ESPL1: variants seen among roughly 807,000 people sequenced by gnomAD.
ESPL1 encodes the protein extra spindle pole bodies like 1, separase, also known as separin.
In ESPL1, 50 loss-of-function variants were observed where a neutral mutation model predicts 217.2. The ratio of observed to expected loss-of-function variants is 0.23; its 90% confidence interval spans 0.18 to 0.29. ESPL1 has a LOEUF of 0.29. Ranked by LOEUF, ESPL1 falls within the 10% of genes least tolerant of loss-of-function variation. ESPL1 has a pLI of 1.00. For synonymous variants in ESPL1, 994 were observed against 1,081.3 expected, an observed-to-expected ratio of 0.92 and a Z score of 1.58; for missense variants, 1,834 against 2,603.0, an observed-to-expected ratio of 0.70 and a Z score of 6.43.
At chr12:53,283,096 C>T (rs1283577995) in intron 14 of ESPL1, 33 bp from the exon 15 acceptor site, 3 of 1,613,522 alleles carry the variant, frequency 1.9e-6, no homozygotes, top group South Asian at 2.2e-5. Context: ...GTTCTGGCTG[C>T]ATCTTCTCCC....
Position 53,293,528 on chromosome 12 carries a change from A to G in ESPL1, c.*54A>G. ...AAGCCTCATAACTGTTCTACCTCCA[A>G]GGTTAGATTTAATCCTTAGGATAAC... is the stretch of plus-strand genomic sequence containing the variant. On this transcript the variant is annotated 3_prime_UTR_variant, in exon 31 of 31. Coordinates refer to ENST00000257934, the MANE Select transcript of ESPL1 (RefSeq NM_012291.5). This position sits in a 1 kb window ranked among gnomAD's most constrained non-coding sequence, Gnocchi z 4.2. 1 of 1,330,908 alleles carries G rather than the reference A, an allele frequency of 7.5e-7. No individual in the cohort carries two copies. Among genetic ancestry groups the G allele is most frequent in the Non-Finnish European group, 1.1e-6 (1 of 926,622 alleles). 82.4% of individuals were successfully genotyped at this position (1,330,908 alleles called of 1,614,324 possible). A position where few individuals can be genotyped will look rare whatever the true frequency, so the allele number is the denominator to read the frequency against.
chr12:53,272,821 G>A lies in ESPL1; in HGVS notation c.1470G>A (p.Val490=). Residue 490 remains valine (V), a synonymous_variant, in exon 6 of 31, where the codon GTG becomes GTA. Transcript: ENST00000257934. ...CGCTCTGTCAGCACCTGGGTTTGGT[G>A]AAGCCAGGCACTTATCCCGAGGTGC... The part of the protein sequence containing the change: ...SEPLCQHLGL[V]KPGTYPEVPP... 6.2e-7 allele frequency: 1 copy of A among 1,614,128 alleles called. No homozygotes were observed. Among genetic ancestry groups the A allele is most frequent in the Non-Finnish European group, 8.5e-7 (1 of 1,180,026 alleles).
chr12:53,280,968 G>A (rs936713275), intron 12 of ESPL1, among the ~76,000 whole-genome samples: 3 of 150,756 alleles, frequency 2.0e-5, no homozygotes, highest in African/African-American at 7.3e-5. Flanking sequence ...CTCCAGCCTG[G>A]GCAACAAGAG....
In ESPL1 at chr12:53,289,597, A is replaced by G; in HGVS notation, c.5113+3A>G. The G allele has an allele frequency of 1.2e-6, 2 of 1,611,604 alleles. No individual in the cohort carries two copies. On this transcript the variant is annotated splice_donor_region_variant and intron_variant, in intron 22 of 30. Transcript: ENST00000257934. ...GCGCCTGGCTCTGATCCCCAGTGGT[A>G]TGCGGGCAGCCTTCTGGCCGGCTCC...
Position 53,269,491 on chromosome 12 carries a change from C to A in ESPL1, c.549C>A (p.Thr183=). ...SFLVLLEDES[T]PCEVPHFASP... ...TAGTACTCTTGGAGGATGAAAGTAC[C>A]CCTTGTGAGGTTCCTCACTTTGCTT... The change falls in exon 3 of 31, where the codon ACC becomes ACA. Residue 183 remains threonine (T), a synonymous_variant. Coordinates refer to ENST00000257934, the MANE Select transcript of ESPL1 (RefSeq NM_012291.5). The surrounding 1 kb of genome is among the most constrained non-coding windows in gnomAD (Gnocchi z 6.7). 1 of 1,614,214 alleles carries A rather than the reference C, an allele frequency of 6.2e-7. No homozygotes were observed. Among genetic ancestry groups the A allele is most frequent in the Non-Finnish European group, 8.5e-7 (1 of 1,180,028 alleles).
At chr12:53,278,782 G>T (rs1044204782) in intron 11 of ESPL1, among the ~76,000 whole-genome samples, 1 of 151,732 alleles carries the variant, frequency 6.6e-6, no homozygotes, top group East Asian at 2.0e-4. Context: ...GTATAGACAG[G>T]GTTTCACCAT....
intron 18 of ESPL1, chr12:53,287,635 G>A: frequency 5.4e-6 from 1 of 183,986 alleles, no homozygotes; most frequent in South Asian, 1.3e-4. Flanking sequence ...AAAGTGCTGG[G>A]ATTACAGACG....
chr12:53,293,154 C>A lies in ESPL1; in HGVS notation c.6162-119C>A. On this transcript the variant is annotated intron_variant, in intron 30 of 30. Coordinates refer to ENST00000257934, the MANE Select transcript of ESPL1 (RefSeq NM_012291.5). This position sits in a 1 kb window ranked among gnomAD's most constrained non-coding sequence, Gnocchi z 4.2. ...CTGTTCTTCTCTTGTAACCAAGGGC[C>A]AAAGGAGTTTCTCATTGGTTCAATC... is the stretch of plus-strand genomic sequence containing the variant. The A allele has an allele frequency of 9.8e-7, 1 of 1,024,762 alleles. No individual in the cohort carries two copies. The highest frequency in any genetic ancestry group is 1.5e-6 in the Non-Finnish European group (1 of 677,478). The allele number at this position is 1,024,762 out of a possible 1,614,324, so 63.5% of individuals were successfully genotyped here.
In ESPL1 at chr12:53,291,673, C is replaced by T; in HGVS notation, c.5521-17C>T. ...TCATGAATGAAGATGGTGCTCACCA[C>T]CACTGTTTCCCTGCAGATCATGCTC... On this transcript the variant is annotated splice_polypyrimidine_tract_variant and intron_variant, in intron 25 of 30. Transcript: ENST00000257934. 6.2e-7 allele frequency: 1 copy of T among 1,610,952 alleles called. No individual in the cohort carries two copies. Among genetic ancestry groups the T allele is most frequent in the South Asian group, 1.1e-5 (1 of 90,640 alleles).
chr12:53,289,271 C>A lies in ESPL1; in HGVS notation c.4890C>A (p.His1630Gln), dbSNP rs1375386942. 6.2e-7 allele frequency: 1 copy of A among 1,611,990 alleles called. No homozygotes were observed. Residue 1630 changes from histidine to glutamine, a missense_variant, in exon 21 of 31, where the codon CAC becomes CAA. His to Gln is a conservative substitution (Grantham distance 24). Transcript: ENST00000257934. ...VTESVSITCR[H>Q]QLLTHLHRQL... ...AGTCTGTCTCCATCACCTGTCGCCA[C>A]CAGCTGCTCACCCACCTCCACAGAC...
At position 53,282,433 on chromosome 12, in the gene ESPL1, A is replaced by C. The variant is rs746685738; in HGVS notation, c.2789A>C (p.Gln930Pro). Reference sequence around the variant, plus strand: ...TCCCTGTGGGAGCAGCTCTGTGCCCAAGGTGAAAGAATAGGGTGGATGGCC... The same window carrying C: ...TCCCTGTGGGAGCAGCTCTGTGCCCCAGGTGAAAGAATAGGGTGGATGGCC... ...SHSLWEQLCA[Q>P]GWQTPEIALI... Residue 930 changes from glutamine to proline, a missense_variant and splice_region_variant, in exon 14 of 31, where the codon CAA (glutamine) becomes CCA (proline). Around this residue, in one of 5 missense-constraint regions of ESPL1, gnomAD observed 107 missense variants for 171.7 expected, o/e 0.62. Coordinates refer to ENST00000257934, the MANE Select transcript of ESPL1 (RefSeq NM_012291.5). This position sits in a 1 kb window ranked among gnomAD's most constrained non-coding sequence, Gnocchi z 4.0. 5 of 1,613,978 alleles carry C rather than the reference A, an allele frequency of 3.1e-6. No homozygotes were observed. Among genetic ancestry groups the C allele is most frequent in the Non-Finnish European group, 4.2e-6 (5 of 1,179,906 alleles).
At chr12:53,289,813 G>A (rs1320983819) in intron 22 of ESPL1, 10 of 604,350 alleles carry the variant, frequency 1.7e-5, no homozygotes, top group Non-Finnish European at 2.6e-5. Flanking sequence ...CCTCAGAGGT[G>A]AGTTCAGATG....
chr12:53,271,172 GTTTT>G (rs1555185860), intron 5 of ESPL1, among the ~76,000 whole-genome samples: 2 of 117,750 alleles, frequency 1.7e-5, no homozygotes, highest in African/African-American at 3.3e-5. Flanking sequence ...ATATTTAAGT[GTTTT>G]TTTTTTTTTT....
chr12:53,274,463 C>T (rs1041151275), intron 6 of ESPL1: 2 of 220,524 alleles, frequency 9.1e-6, no homozygotes, highest in Non-Finnish European at 1.8e-5. Context: ...CAAGGATTAA[C>T]CTGGTAGGTG....
chr12:53,275,128 CG>C, intron 7 of ESPL1, 118 bp downstream of exon 7: 1 of 733,846 alleles, frequency 1.4e-6, no homozygotes, highest in South Asian at 2.0e-5. Flanking sequence ...GGTGAAACCC[CG>C]TCTCTACTAC....
rs1943889484 is a variant in ESPL1 at position 53,282,968 on chromosome 12, T to G, written c.2792-161T>G. On this transcript the variant is annotated intron_variant, in intron 14 of 30. Transcript: ENST00000257934. This position sits in a 1 kb window ranked among gnomAD's most constrained non-coding sequence, Gnocchi z 4.0. ...TGCGCCCAGCCAGCTGAAAGGATTC[T>G]GAGACCCCAGGGGATCTCAGAGGGA... Among the ~76,000 whole-genome samples, 1 of 152,276 alleles carries G rather than the reference T, an allele frequency of 6.6e-6. No homozygotes were observed. The highest frequency in any genetic ancestry group is 2.4e-5 in the African/African-American group (1 of 41,486).
In ESPL1 at chr12:53,282,562, G is replaced by A. The variant is rs559066846; in HGVS notation, c.2791+127G>A. On this transcript the variant is annotated intron_variant, in intron 14 of 30. Transcript: ENST00000257934. This position sits in a 1 kb window ranked among gnomAD's most constrained non-coding sequence, Gnocchi z 4.0. ...CCAGCCTACCTAGAACCTGCACAGA[G>A]TAGGCCTGGGATAGCAGATGGGTTT... 16 of 816,904 alleles carry A rather than the reference G, an allele frequency of 2.0e-5. No individual in the cohort carries two copies. In the Admixed American group the frequency reaches 2.2e-4, roughly 11 times the overall value. The allele number at this position is 816,904 out of a possible 1,614,324, so 50.6% of individuals were successfully genotyped here.
intron 12 of ESPL1, 44 bp downstream of exon 12, chr12:53,279,910 T>C (rs1034288920): frequency 2.0e-5 from 30 of 1,506,570 alleles, no homozygotes; most frequent in Non-Finnish European, 2.7e-5. Flanking sequence ...AGGGGGCCCG[T>C]AGCTTTAGAG....
Position 53,282,045 on chromosome 12 carries a change from T to C in ESPL1, c.2620-219T>C, listed in dbSNP as rs1943871135. 6.6e-6 allele frequency among the ~76,000 whole-genome samples: 1 copy of C among 152,158 alleles called. No homozygotes were observed. Among genetic ancestry groups the C allele is most frequent in the East Asian group, 1.9e-4 (1 of 5,182 alleles). On this transcript the variant is annotated intron_variant, in intron 13 of 30. Coordinates refer to ENST00000257934, the MANE Select transcript of ESPL1 (RefSeq NM_012291.5). The surrounding 1 kb of genome is among the most constrained non-coding windows in gnomAD (Gnocchi z 4.0). ...ATTCCTAAATTGGCGGACAAGTCAC[T>C]GGTGAGGGCAAAGCTAGGAACTGTT...
Sources: allele counts gnomAD v4.1 joint callset (sites outside exome capture counted in the v4.1 genomes callset), GRCh38; gene constraint gnomAD v4.1.1; regional missense constraint gnomAD v4.1.1; non-coding constraint Gnocchi (gnomAD v3.1); transcripts MANE v1.5; gene names NCBI Gene and HGNC (gene_info 2026-07-23, HGNC 2026-07-21).